JKAMP: variants seen among roughly 807,000 people sequenced by gnomAD.
JKAMP encodes the protein JNK1/MAPK8 associated membrane protein, also known as JNK1/MAPK8-associated membrane protein.
A neutral mutation model predicts 40.2 loss-of-function variants in JKAMP; 20 were observed. That is an observed-to-expected ratio of 0.50 (90% CI 0.35 to 0.72). The LOEUF (loss-of-function observed/expected upper bound fraction) is 0.72. Among genes scored for constraint, JKAMP ranks in the 30% least tolerant of loss-of-function variants. The probability of loss-of-function intolerance (pLI) is 0.01; values close to 1 mark genes in which losing one functional copy is unlikely to be tolerated. For synonymous variants in JKAMP, 138 were observed against 131.6 expected (o/e 1.05, Z -0.33); for missense variants, 276 against 373.0 (o/e 0.74, Z 2.14).
intron 6 of JKAMP, among the ~76,000 whole-genome samples, chr14:59,502,201 A>G (rs1177499170): frequency 6.6e-6 from 1 of 152,194 alleles, no homozygotes; most frequent in Non-Finnish European, 1.5e-5. Flanking sequence ...TAACTGTTAT[A>G]CATATTACAT....
intron 1 of JKAMP, chr14:59,485,261 T>C (rs1890447165): frequency 5.4e-6 from 4 of 745,316 alleles, no homozygotes; most frequent in Non-Finnish European, 8.2e-6. Context: ...TTCCAATTCC[T>C]TACCTTCTGC....
intron 3 of JKAMP, among the ~76,000 whole-genome samples, chr14:59,489,583 G>C (rs1165671747): frequency 6.6e-6 from 1 of 152,198 alleles, no homozygotes; most frequent in East Asian, 1.9e-4. Context: ...TTCAGCCTCT[G>C]TCTGGTACCC....
Position 59,495,253 on chromosome 14 carries a change from T to G in JKAMP, c.458+29T>G, listed in dbSNP as rs763123544. On this transcript the variant is annotated intron_variant, in intron 4 of 6. Coordinates refer to ENST00000616435, the MANE Select transcript of JKAMP (RefSeq NM_016475.5). ...AGTGTTTATTTCGACTTAAGATCAT[T>G]GTTTTTTTTTAAATCTCTGAGGATT... The G allele has an allele frequency of 7.1e-6, 9 of 1,267,000 alleles. No individual in the cohort carries two copies. In the African/African-American group the frequency reaches 1.6e-4, roughly 22 times the overall value. The allele number at this position is 1,267,000 out of a possible 1,614,324, so 78.5% of individuals were successfully genotyped here. A position where few individuals can be genotyped will look rare whatever the true frequency, so the allele number is the denominator to read the frequency against.
At chr14:59,496,280 A>G (rs1417928764) in intron 4 of JKAMP, among the ~76,000 whole-genome samples, 2 of 150,850 alleles carry the variant, frequency 1.3e-5, no homozygotes, top group African/African-American at 4.9e-5. Context: ...TATATAAAAT[A>G]CTATATAAAA....
At chr14:59,500,386 CAA>C (rs1395349746) in intron 5 of JKAMP, among the ~76,000 whole-genome samples, 5 of 152,150 alleles carry the variant, frequency 3.3e-5, no homozygotes, top group East Asian at 1.9e-4. Context: ...GAAAAAAATT[CAA>C]AGTTTTTTTC....
At chr14:59,486,529 A>G (rs974668358) in intron 1 of JKAMP, among the ~76,000 whole-genome samples, 184 bp from the exon 2 acceptor site, 4 of 152,374 alleles carry the variant, frequency 2.6e-5, no homozygotes, top group Admixed American at 2.0e-4. Context: ...GTTCCAGGAT[A>G]ACTGTCTGCA....
intron 3 of JKAMP, among the ~76,000 whole-genome samples, chr14:59,488,449 A>T (rs1208957639): frequency 6.6e-6 from 1 of 152,164 alleles, no homozygotes; most frequent in Non-Finnish European, 1.5e-5. Context: ...GCCTCATGGG[A>T]TCTGAAAGAT....
chr14:59,493,717 C>T (rs914938888), intron 3 of JKAMP, among the ~76,000 whole-genome samples: 10 of 152,094 alleles, frequency 6.6e-5, no homozygotes, highest in African/African-American at 2.2e-4. Flanking sequence ...TTTATCTGAG[C>T]ACTTGACAAG....
chr14:59,494,568 T>G (rs1478311407), intron 3 of JKAMP, among the ~76,000 whole-genome samples: 1 of 152,186 alleles, frequency 6.6e-6, no homozygotes, highest in Non-Finnish European at 1.5e-5. Context: ...AAAAGCAGTT[T>G]GGTACATGGT....
Position 59,505,281 on chromosome 14 carries a change from G to A in JKAMP, c.*1209G>A. ...TTTTCTCAGTACATTTAACCACTGG[G>A]AAATGAACCCTTGTACGAATGTGTT... is the stretch of plus-strand genomic sequence containing the variant. On this transcript the variant is annotated 3_prime_UTR_variant, in exon 7 of 7. Coordinates refer to ENST00000616435, the MANE Select transcript of JKAMP (RefSeq NM_016475.5). The A allele has an allele frequency of 1.3e-6, 2 of 1,509,510 alleles. No individual in the cohort carries two copies. The highest frequency in any genetic ancestry group is 1.3e-5 in the South Asian group (1 of 79,602). 93.5% of individuals were successfully genotyped at this position (1,509,510 alleles called of 1,614,324 possible). A position where few individuals can be genotyped will look rare whatever the true frequency, so the allele number is the denominator to read the frequency against.
intron 4 of JKAMP, chr14:59,495,441 A>C: frequency 2.0e-6 from 1 of 499,268 alleles, no homozygotes; most frequent in Non-Finnish European, 3.6e-6. Flanking sequence ...GTGAGGATTA[A>C]ATTAATCCAC....
intron 5 of JKAMP, 118 bp downstream of exon 5, chr14:59,499,026 T>A: frequency 2.1e-6 from 1 of 485,512 alleles, no homozygotes; most frequent in Non-Finnish European, 3.3e-6. Context: ...TTTTTTTTTT[T>A]TTTTTTTTTT....
chr14:59,505,317 T>C lies in JKAMP; in HGVS notation c.*1245T>C. On this transcript the variant is annotated 3_prime_UTR_variant, in exon 7 of 7. Coordinates refer to ENST00000616435, the MANE Select transcript of JKAMP (RefSeq NM_016475.5). ...TTGTACGAATGTGTTTCTTCTTCTC[T>C]GTAGGAATAAAAAATAAATATAAAA... The C allele has an allele frequency of 1.4e-6, 2 of 1,451,776 alleles. No individual in the cohort carries two copies. The highest frequency in any genetic ancestry group is 1.3e-5 in the South Asian group (1 of 74,566). 89.9% of individuals were successfully genotyped at this position (1,451,776 alleles called of 1,614,324 possible). A position where few individuals can be genotyped will look rare whatever the true frequency, so the allele number is the denominator to read the frequency against.
At chr14:59,485,831 T>C (rs951578379) in intron 1 of JKAMP, 1 of 152,278 alleles carries the variant, frequency 6.6e-6, no homozygotes, top group Admixed American at 6.5e-5. Context: ...TTGGCCAGGC[T>C]GGTCTGGAAC....
chr14:59,501,324 A>T (rs1456938776), intron 6 of JKAMP, 57 bp downstream of exon 6: 8 of 1,067,342 alleles, frequency 7.5e-6, no homozygotes, highest in African/African-American at 1.6e-5. Context: ...ACAATTCAAT[A>T]TCAGAATAGT....
At chr14:59,490,662 G>C (rs1280862567) in intron 3 of JKAMP, among the ~76,000 whole-genome samples, 1 of 152,012 alleles carries the variant, frequency 6.6e-6, no homozygotes, top group Non-Finnish European at 1.5e-5. Context: ...TATTTACATT[G>C]GGAAAGCATT....
intron 4 of JKAMP, among the ~76,000 whole-genome samples, chr14:59,497,585 T>G (rs940760597): frequency 1.3e-5 from 2 of 152,210 alleles, no homozygotes; most frequent in Admixed American, 6.5e-5. Context: ...ACTAGGAAAC[T>G]AATTCATTAG....
At chr14:59,501,148 A>C (rs1303010243) in intron 5 of JKAMP, 43 bp from the exon 6 acceptor site, 1 of 1,234,236 alleles carries the variant, frequency 8.1e-7, no homozygotes, top group Non-Finnish European at 1.2e-6. Flanking sequence ...TTATTGAGAA[A>C]ATTTGTTTCA....
Sources: gnomAD v4.1 joint callset for allele counts (sites outside exome capture counted in the v4.1 genomes callset) on GRCh38, gnomAD v4.1.1 for gene constraint, MANE v1.5 for transcripts, NCBI Gene and HGNC (gene_info 2026-07-23, HGNC 2026-07-21) for gene names.